LARS2: variants seen among roughly 807,000 people sequenced by gnomAD.
The protein encoded by LARS2 is leucine--tRNA ligase, mitochondrial.
Under a neutral mutation model 116.6 loss-of-function variants are expected in LARS2, and 81 were observed. The ratio of observed to expected loss-of-function variants is 0.69; its 90% CI spans 0.58 to 0.84. The LOEUF (loss-of-function observed/expected upper bound fraction) is 0.84, where lower values mean the gene tolerates loss of function less well. Among genes scored for constraint, LARS2 ranks in the 40% least tolerant of loss-of-function variants. The probability of loss-of-function intolerance (pLI) is 0.00; values close to 1 mark genes in which losing one functional copy is unlikely to be tolerated. For synonymous variants in LARS2, 396 were observed against 407.2 expected (o/e 0.97, Z 0.33); for missense variants, 968 against 1,114.5 (o/e 0.87, Z 1.87).
intron 4 of LARS2, among the ~76,000 whole-genome samples, chr3:45,412,745 G>T (rs1698351901): frequency 6.6e-6 from 1 of 152,134 alleles, no homozygotes; most frequent in Non-Finnish European, 1.5e-5. Flanking sequence ...CCTCCCCTGG[G>T]GCAACAGCAA....
intron 4 of LARS2, among the ~76,000 whole-genome samples, chr3:45,400,766 A>C (rs1369283443): frequency 6.6e-6 from 1 of 152,058 alleles, no homozygotes; most frequent in East Asian, 1.9e-4. Flanking sequence ...ACTGCAAGAT[A>C]TTTCTTTCTG....
intron 20 of LARS2, chr3:45,538,588 C>A (rs1186471076): frequency 6.6e-6 from 1 of 152,224 alleles, no homozygotes; most frequent in African/African-American, 2.4e-5. Flanking sequence ...GCGCAAAAGC[C>A]CCGGGCCACA....
At chr3:45,476,898 A>G (rs1251491242) in intron 10 of LARS2, among the ~76,000 whole-genome samples, 3 of 152,186 alleles carry the variant, frequency 2.0e-5, no homozygotes, top group Non-Finnish European at 4.4e-5. Context: ...AGTATAATCT[A>G]AAGTTCTTTT....
chr3:45,545,533 G>A (rs1700863076), intron 21 of LARS2, among the ~76,000 whole-genome samples: 2 of 152,222 alleles, frequency 1.3e-5, no homozygotes, highest in African/African-American at 4.8e-5. Context: ...GGGGGAGCAT[G>A]ATTGGCACCT....
intron 15 of LARS2, among the ~76,000 whole-genome samples, chr3:45,503,420 G>A (rs1330980159): frequency 6.6e-6 from 1 of 152,048 alleles, no homozygotes; most frequent in Non-Finnish European, 1.5e-5. Flanking sequence ...AGGTTGCTTA[G>A]GCTTTAGGTT....
chr3:45,446,044 A>G (rs1699012527), intron 6 of LARS2, among the ~76,000 whole-genome samples: 4 of 152,218 alleles, frequency 2.6e-5, no homozygotes. Flanking sequence ...ACTGCACTTC[A>G]ACCTTGGTGA....
Position 45,429,782 on chromosome 3 carries a change from A to G in LARS2, c.516+10053A>G, listed in dbSNP as rs1698661176. 4.8e-5 allele frequency among the ~76,000 whole-genome samples: 7 copies of G among 145,722 alleles called. No individual in the cohort carries two copies. The South Asian group carries it at 1.5e-3, about 32-fold the overall frequency. ...AGTGTTGCGATCTCAGCTAACTACAACTGCTGCTTCCTGGGCTTAAGTGAT... is the reference window on the plus strand; with the variant it reads ...AGTGTTGCGATCTCAGCTAACTACAGCTGCTGCTTCCTGGGCTTAAGTGAT... On this transcript the variant is annotated intron_variant, in intron 6 of 21. Coordinates refer to ENST00000645846, the MANE Select transcript of LARS2 (RefSeq NM_015340.4).
At chr3:45,423,474 G>A (rs1381444452) in intron 6 of LARS2, among the ~76,000 whole-genome samples, 3 of 152,010 alleles carry the variant, frequency 2.0e-5, no homozygotes, top group Non-Finnish European at 4.4e-5. Flanking sequence ...CACTACACCC[G>A]GCTTCTTTTT....
intron 6 of LARS2, among the ~76,000 whole-genome samples, chr3:45,444,114 C>T (rs1255479853): frequency 2.4e-4 from 36 of 150,872 alleles, no homozygotes; most frequent in Admixed American, 1.1e-3. Flanking sequence ...ACGCCCTTCT[C>T]CTGCCTCAGC....
At chr3:45,425,543 G>A (rs992700348) in intron 6 of LARS2, among the ~76,000 whole-genome samples, 72 of 152,276 alleles carry the variant, frequency 4.7e-4, no homozygotes, top group African/African-American at 1.6e-3. Context: ...ATTTTTACTG[G>A]GACAGGCTTT....
In LARS2 at chr3:45,413,876, G is replaced by A. The variant is rs767160477; in HGVS notation, c.364-3606G>A. On this transcript the variant is annotated intron_variant, in intron 4 of 21. Coordinates refer to ENST00000645846, the MANE Select transcript of LARS2 (RefSeq NM_015340.4). ...TGCACCTAGGTTGGGACACTTTGAA[G>A]TGTAAGTGCTTATGGGACCTGAGGC... is the stretch of plus-strand genomic sequence containing the variant. Among the ~76,000 whole-genome samples the A allele has an allele frequency of 3.9e-5, 6 of 152,322 alleles. No homozygotes were observed. The South Asian group carries it at 1.0e-3, about 26-fold the overall frequency.
At position 45,510,535 on chromosome 3, in the gene LARS2, A is replaced by G. The variant is rs115380469; in HGVS notation, c.1761-2600A>G. ...AGGCACTACACAGGATGCATCAGGA[A>G]GGAAAAAACAACTAATTCTAATTCT... On this transcript the variant is annotated intron_variant, in intron 15 of 21. Transcript: ENST00000645846. Among the ~76,000 whole-genome samples, 371 of 149,882 alleles carry G rather than the reference A, an allele frequency of 2.5e-3. 2 individuals carry two copies. Among genetic ancestry groups the G allele is most frequent in the African/African-American group, 8.5e-3 (353 of 41,440 alleles).
At chr3:45,486,687 T>C (rs1419564076) in intron 11 of LARS2, among the ~76,000 whole-genome samples, 1 of 152,228 alleles carries the variant, frequency 6.6e-6, no homozygotes, top group Non-Finnish European at 1.5e-5. Flanking sequence ...GATGTTACTC[T>C]CTTCTAACCA....
At chr3:45,416,812 C>T (rs562602914) in intron 4 of LARS2, among the ~76,000 whole-genome samples, 8 of 152,270 alleles carry the variant, frequency 5.3e-5, no homozygotes, top group East Asian at 3.9e-4. Flanking sequence ...CAGTGGCTCA[C>T]GCCTGTAATC....
rs772610949 is a variant in LARS2, at chr3:45,517,961, G to A, written c.2103G>A (p.Arg701=). 6.2e-7 allele frequency: 1 copy of A among 1,614,168 alleles called. No individual in the cohort carries two copies. Among genetic ancestry groups the A allele is most frequent in the South Asian group, 1.1e-5 (1 of 91,080 alleles). ...AACGACTGTGGACCTTGACAACTCG[G>A]TTTATTGAGGCCAGGGCTTCTGGGA... ...WQQRLWTLTT[R]FIEARASGKS... is the part of the protein sequence containing the mutation. Residue 701 remains arginine (R), a synonymous_variant, in exon 18 of 22, where the codon CGG becomes CGA. Coordinates refer to ENST00000645846, the MANE Select transcript of LARS2 (RefSeq NM_015340.4).
chr3:45,389,952 A>T (rs1025882137), intron 1 of LARS2, among the ~76,000 whole-genome samples: 1 of 152,204 alleles, frequency 6.6e-6, no homozygotes. Flanking sequence ...ATAGCCATGA[A>T]TACTGACTAT....
chr3:45,450,111 G>C (rs1699099933), intron 7 of LARS2, among the ~76,000 whole-genome samples: 1 of 151,930 alleles, frequency 6.6e-6, no homozygotes, highest in Non-Finnish European at 1.5e-5. Flanking sequence ...TTGTTGTGGG[G>C]GTTTTTAAAT....
In LARS2 at chr3:45,491,678, T is replaced by C. The variant is rs1559486160; in HGVS notation, c.1401T>C (p.Cys467=). The change falls in exon 13 of 22, where the codon TGT becomes TGC. Residue 467 remains cysteine (C), a synonymous_variant. Transcript: ENST00000645846. ...TCCCCATTGTCCACTGCCCAGTCTGTGGCCCCACACCTGTGCCCCTGGAGG... is the reference window on the plus strand; with the variant it reads ...TCCCCATTGTCCACTGCCCAGTCTGCGGCCCCACACCTGTGCCCCTGGAGG... ...TPIPIVHCPV[C]GPTPVPLEDL... 1 of 1,614,106 alleles carries C rather than the reference T, an allele frequency of 6.2e-7. No homozygotes were observed.
At chr3:45,487,444 T>C (rs557422428) in intron 11 of LARS2, among the ~76,000 whole-genome samples, 1 of 152,338 alleles carries the variant, frequency 6.6e-6, no homozygotes, top group African/African-American at 2.4e-5. Context: ...AACCACTGTT[T>C]TAGGGCATTG....
Sources: allele counts gnomAD v4.1 joint callset (sites outside exome capture counted in the v4.1 genomes callset), GRCh38; gene constraint gnomAD v4.1.1; transcripts MANE v1.5; gene names NCBI Gene and HGNC (gene_info 2026-07-23, HGNC 2026-07-21).